Variants in RALYL observed in about 807,000 individuals in gnomAD.
The protein encoded by RALYL is RNA-binding Raly-like protein.
A neutral mutation model predicts 35.1 loss-of-function variants in RALYL; 29 were observed. That is an observed-to-expected ratio of 0.83 (90% CI 0.61 to 1.13). The LOEUF (loss-of-function observed/expected upper bound fraction) is 1.13. RALYL is among the 50% of genes most tolerant of loss of function. The pLI is 0.00. For synonymous variants in RALYL, 120 were observed against 127.6 expected (o/e 0.94, Z 0.40); for missense variants, 359 against 360.4 (o/e 1.00, Z 0.03).
intron 4 of RALYL, among the ~76,000 whole-genome samples, chr8:84,831,703 A>C (rs1438899059): frequency 6.6e-6 from 1 of 152,110 alleles, no homozygotes; most frequent in Non-Finnish European, 1.5e-5. Context: ...ATTTTGAATA[A>C]TAGTAATAGG....
At chr8:84,602,144 C>A (rs541834148) in intron 2 of RALYL, among the ~76,000 whole-genome samples, 1 of 152,218 alleles carries the variant, frequency 6.6e-6, no homozygotes, top group Non-Finnish European at 1.5e-5. Flanking sequence ...TATGCAGTGA[C>A]TTCCCAAGCT....
At chr8:84,423,759 G>T (rs1426229537) in intron 1 of RALYL, among the ~76,000 whole-genome samples, 238 of 151,024 alleles carry the variant, frequency 1.6e-3, no homozygotes, top group Middle Eastern at 0.01. Context: ...TGACAAAATC[G>T]GTCAGCATTT....
At chr8:84,243,266 TTTG>T (rs928934847) in intron 1 of RALYL, among the ~76,000 whole-genome samples, 3 of 152,004 alleles carry the variant, frequency 2.0e-5, no homozygotes, top group Non-Finnish European at 4.4e-5. Context: ...CCAGCGTGTT[TTTG>T]TTGTTGTTGT....
At chr8:84,744,100 A>T (rs746970375) in intron 2 of RALYL, among the ~76,000 whole-genome samples, 1 of 152,042 alleles carries the variant, frequency 6.6e-6, no homozygotes, top group Non-Finnish European at 1.5e-5. Context: ...CTTTTGTGTT[A>T]TGTATTTGGC....
intron 1 of RALYL, among the ~76,000 whole-genome samples, chr8:84,384,918 T>A (rs1740784016): frequency 6.6e-6 from 1 of 151,818 alleles, no homozygotes; most frequent in Non-Finnish European, 1.5e-5. Context: ...ATGCCTCTAC[T>A]CCATTCCTTC....
chr8:84,240,433 A>G (rs938256170), intron 1 of RALYL, among the ~76,000 whole-genome samples: 1 of 152,188 alleles, frequency 6.6e-6, no homozygotes, highest in Non-Finnish European at 1.5e-5. Flanking sequence ...ATCAGCAGAT[A>G]TTTATTGAAT....
chr8:84,841,263 G>A (rs1300079902), intron 4 of RALYL, among the ~76,000 whole-genome samples: 2 of 152,054 alleles, frequency 1.3e-5, no homozygotes, highest in African/African-American at 2.4e-5. Context: ...AAATAAAAGG[G>A]TGGAGGAAGA....
At chr8:84,283,468 C>T (rs1205510143) in intron 1 of RALYL, among the ~76,000 whole-genome samples, 1 of 152,212 alleles carries the variant, frequency 6.6e-6, no homozygotes, top group Admixed American at 6.5e-5. Flanking sequence ...CTCTTTCTTC[C>T]TGTGATGCTG....
intron 2 of RALYL, among the ~76,000 whole-genome samples, chr8:84,614,506 A>C (rs138082663): frequency 6.6e-5 from 10 of 151,840 alleles, no homozygotes; most frequent in Admixed American, 3.3e-4. Flanking sequence ...CCAGCCCTTC[A>C]ATCTCCCTCA....
chr8:84,708,632 CT>C, intron 2 of RALYL, among the ~76,000 whole-genome samples: 1 of 152,040 alleles, frequency 6.6e-6, no homozygotes, highest in Non-Finnish European at 1.5e-5. Context: ...TAATGTTTAA[CT>C]TTTGAGTCCA....
At chr8:84,260,222 C>T (rs1831997069) in intron 1 of RALYL, among the ~76,000 whole-genome samples, 2 of 152,116 alleles carry the variant, frequency 1.3e-5, no homozygotes, top group Non-Finnish European at 2.9e-5. Context: ...TGCACATGTG[C>T]CTCCAGAACC....
intron 1 of RALYL, among the ~76,000 whole-genome samples, chr8:84,236,863 T>A (rs767489774): frequency 2.0e-5 from 3 of 152,118 alleles, no homozygotes; most frequent in Non-Finnish European, 2.9e-5. Context: ...TTATGGGAGA[T>A]GATGTGTACT....
At chr8:84,899,411 A>T (rs1440633854) in intron 8 of RALYL, among the ~76,000 whole-genome samples, 2 of 152,002 alleles carry the variant, frequency 1.3e-5, no homozygotes, top group African/African-American at 4.8e-5. Flanking sequence ...GTTAATGTTC[A>T]TAAATATCTG....
At chr8:84,772,666 A>G (rs1448190023) in intron 2 of RALYL, among the ~76,000 whole-genome samples, 1 of 152,110 alleles carries the variant, frequency 6.6e-6, no homozygotes, top group African/African-American at 2.4e-5. Context: ...TGAATTTTGT[A>G]TACTGGCTTT....
intron 1 of RALYL, among the ~76,000 whole-genome samples, chr8:84,221,231 T>A (rs1273950396): frequency 6.6e-6 from 1 of 151,986 alleles, no homozygotes; most frequent in Non-Finnish European, 1.5e-5. Flanking sequence ...GATTTTGGTA[T>A]CATCATAAAC....
Position 84,404,040 on chromosome 8 carries a change from T to C in RALYL, c.-23-125259T>C, listed in dbSNP as rs866265932. On this transcript the variant is annotated intron_variant, in intron 1 of 8. Coordinates refer to ENST00000521268, the MANE Select transcript of RALYL (RefSeq NM_173848.7). ...ACATTGATTTTGTATCCTGAGACTTTGCTGAAGTTGCTTATCAGCTTAAGG... is the reference window on the plus strand; with the variant it reads ...ACATTGATTTTGTATCCTGAGACTTCGCTGAAGTTGCTTATCAGCTTAAGG... Among the ~76,000 whole-genome samples, 5 of 152,308 alleles carry C rather than the reference T, an allele frequency of 3.3e-5. No individual in the cohort carries two copies. The Middle Eastern group carries it at 0.014, about 414-fold the overall frequency.
At chr8:84,315,223 A>G (rs542289854) in intron 1 of RALYL, among the ~76,000 whole-genome samples, 108 of 152,204 alleles carry the variant, frequency 7.1e-4, no homozygotes, top group Non-Finnish European at 1.4e-3. Context: ...GCATATTCCC[A>G]TATATATAAG....
rs1250139298 is a variant in RALYL, at chr8:84,231,886, G to T, written c.-24+47462G>T. On this transcript the variant is annotated intron_variant, in intron 1 of 8. Transcript: ENST00000521268. Reference sequence around the variant, plus strand: ...TGCTCTTCCTGTTCAGAAAAGTTCAGTACAGATCAGGAAACTGAGAAACAA... The same window carrying T: ...TGCTCTTCCTGTTCAGAAAAGTTCATTACAGATCAGGAAACTGAGAAACAA... Among the ~76,000 whole-genome samples, 3 of 152,168 alleles carry T rather than the reference G, an allele frequency of 2.0e-5. No homozygotes were observed. In the South Asian group the frequency reaches 6.2e-4, roughly 32 times the overall value.
chr8:84,620,036 T>C (rs1306395645), intron 2 of RALYL, among the ~76,000 whole-genome samples: 2 of 152,002 alleles, frequency 1.3e-5, no homozygotes, highest in Non-Finnish European at 2.9e-5. Context: ...AATTTTTCCT[T>C]CATTTCAACT....
Sources: allele counts gnomAD v4.1 joint callset (sites outside exome capture counted in the v4.1 genomes callset), GRCh38; gene constraint gnomAD v4.1.1; transcripts MANE v1.5; gene names NCBI Gene and HGNC (gene_info 2026-07-23, HGNC 2026-07-21).